Variants in CLNK observed in about 807,000 individuals in gnomAD.
CLNK encodes the protein cytokine-dependent hematopoietic cell linker.
A neutral mutation model predicts 68.6 loss-of-function variants in CLNK; 74 were observed. The observed-to-expected ratio is 1.08, with a 90% CI of 0.89 to 1.31. The LOEUF is 1.31. Among genes scored for constraint, CLNK ranks in the 50% most tolerant of loss-of-function variants. The pLI, the probability that CLNK is intolerant of heterozygous loss-of-function variation, is 0.00. For missense variants in CLNK, 553 were observed against 515.3 expected, an observed-to-expected ratio of 1.07 and a Z score of -0.71; for synonymous variants, 198 against 172.2, an observed-to-expected ratio of 1.15 and a Z score of -1.17.
At chr4:10,563,779 C>T (rs563793702) in intron 7 of CLNK, among the ~76,000 whole-genome samples, 2 of 152,188 alleles carry the variant, frequency 1.3e-5, no homozygotes, top group African/African-American at 4.8e-5. Flanking sequence ...TGGTGACGTG[C>T]ACCTGTAATC....
intron 1 of CLNK, among the ~76,000 whole-genome samples, chr4:10,684,061 C>T (rs1294770809): frequency 1.3e-5 from 2 of 152,024 alleles, no homozygotes; most frequent in African/African-American, 4.8e-5. Flanking sequence ...TTGCTTTATC[C>T]AATAAAAGCC....
At chr4:10,586,775 CTG>C (rs945408983) in intron 3 of CLNK, among the ~76,000 whole-genome samples, 12 of 152,310 alleles carry the variant, frequency 7.9e-5, no homozygotes, top group South Asian at 6.2e-4. Flanking sequence ...GCTCGTCTCA[CTG>C]TATCTCACCA....
At chr4:10,591,287 A>G (rs1388180597) in intron 3 of CLNK, among the ~76,000 whole-genome samples, 1 of 152,022 alleles carries the variant, frequency 6.6e-6, no homozygotes, top group Admixed American at 6.6e-5. Context: ...GCCTGGACAG[A>G]CCGTTTATCT....
upstream of CLNK, among the ~76,000 whole-genome samples, chr4:10,688,069 G>A (rs1011883947): frequency 2.0e-5 from 3 of 152,140 alleles, no homozygotes; most frequent in Non-Finnish European, 4.4e-5. Context: ...TCAGAGGAGT[G>A]GCTATTAGGA....
intron 8 of CLNK, among the ~76,000 whole-genome samples, chr4:10,550,559 T>C (rs1320309140): frequency 2.0e-5 from 3 of 152,102 alleles, no homozygotes; most frequent in Non-Finnish European, 2.9e-5. Flanking sequence ...CCTCCACTTA[T>C]CCTAAGGCAA....
intron 7 of CLNK, among the ~76,000 whole-genome samples, chr4:10,561,578 C>T (rs954261299): frequency 6.6e-6 from 1 of 152,138 alleles, no homozygotes; most frequent in East Asian, 1.9e-4. Flanking sequence ...TTTAGTTCAG[C>T]GTTCTCTACT....
the CLNK span, among the ~76,000 whole-genome samples, chr4:10,725,727 C>A: frequency 3.3e-5 from 5 of 151,766 alleles, no homozygotes; most frequent in East Asian, 1.9e-4. Flanking sequence ...TGTTGGCGGG[C>A]GCCTGTAGTC....
the CLNK span, among the ~76,000 whole-genome samples, chr4:10,712,710 G>T: frequency 2.0e-5 from 3 of 152,206 alleles, no homozygotes; most frequent in East Asian, 1.9e-4. Flanking sequence ...GAGTCATGTA[G>T]CCAGGGACAG....
intron 2 of CLNK, among the ~76,000 whole-genome samples, chr4:10,642,710 C>G (rs536257196): frequency 1.3e-5 from 2 of 152,326 alleles, no homozygotes; most frequent in South Asian, 2.1e-4. Context: ...CCCAACCTAA[C>G]TCACTGGGTG....
intron 2 of CLNK, among the ~76,000 whole-genome samples, chr4:10,650,519 T>C (rs773536257): frequency 2.0e-5 from 3 of 152,086 alleles, no homozygotes; most frequent in South Asian, 2.1e-4. Context: ...AAAATAAATA[T>C]TGCCTTCAAA....
chr4:10,523,871 A>G (rs1304797139), intron 14 of CLNK: 5 of 313,712 alleles, frequency 1.6e-5, no homozygotes, highest in Non-Finnish European at 3.2e-5. Flanking sequence ...CAAAGAGTAC[A>G]AAAATTAGCT....
At chr4:10,591,427 C>A (rs1482912267) in intron 3 of CLNK, among the ~76,000 whole-genome samples, 1 of 152,176 alleles carries the variant, frequency 6.6e-6, no homozygotes, top group African/African-American at 2.4e-5. Flanking sequence ...CTACCCTGAA[C>A]CTCTAGCTCC....
At chr4:10,525,322 C>A (rs1314227944) in intron 14 of CLNK, among the ~76,000 whole-genome samples, 1 of 152,184 alleles carries the variant, frequency 6.6e-6, no homozygotes, top group Non-Finnish European at 1.5e-5. Flanking sequence ...GCCTCGGCCT[C>A]CCAAAGTGCT....
Position 10,501,282 on chromosome 4 carries a change from G to T in CLNK, c.1114C>A (p.Leu372Met), listed in dbSNP as rs1424576791. 1.2e-6 allele frequency: 2 copies of T among 1,601,222 alleles called. No individual in the cohort carries two copies. Among genetic ancestry groups the T allele is most frequent in the South Asian group, 1.1e-5 (1 of 88,618 alleles). ...TCATCTCCTCTGAGTCCTGTCCCCA[G>T]GGCAAACTGCTGATTCCTCTCCAGG... ...RFLERNQQFA[L>M]GTGLRGDEKF... Residue 372 changes from leucine (L) to methionine (M), a missense_variant, in exon 18 of 19, where the codon CTG (leucine) becomes ATG (methionine). Transcript: ENST00000226951.
chr4:10,590,126 A>G (rs1424354820), intron 3 of CLNK, among the ~76,000 whole-genome samples: 1 of 152,236 alleles, frequency 6.6e-6, no homozygotes, highest in Non-Finnish European at 1.5e-5. Flanking sequence ...CAGGAAATGA[A>G]CAAGGCTGAC....
At chr4:10,535,207 A>AAGAGAG in intron 11 of CLNK, among the ~76,000 whole-genome samples, 1 of 132,674 alleles carries the variant, frequency 7.5e-6, no homozygotes, top group East Asian at 2.2e-4. Flanking sequence ...AAAAGAAAGA[A>AAGAGAG]AGAAAGAGAA....
intron 3 of CLNK, among the ~76,000 whole-genome samples, chr4:10,589,926 A>G (rs1174110552): frequency 6.6e-6 from 1 of 152,220 alleles, no homozygotes; most frequent in South Asian, 2.1e-4. Context: ...CCTTTTGTCA[A>G]CAGCATCCAT....
intron 18 of CLNK, among the ~76,000 whole-genome samples, chr4:10,492,068 G>C (rs1202428039): frequency 6.6e-6 from 1 of 152,106 alleles, no homozygotes; most frequent in East Asian, 1.9e-4. Context: ...CATGTTTCAA[G>C]ACAACTTAGA....
intron 1 of CLNK, among the ~76,000 whole-genome samples, chr4:10,678,142 C>A (rs1309946162): frequency 2.0e-5 from 3 of 152,174 alleles, no homozygotes; most frequent in Admixed American, 1.3e-4. Flanking sequence ...TTCTTTTATT[C>A]AGGATCACTT....
Sources: allele counts gnomAD v4.1 joint callset (sites outside exome capture counted in the v4.1 genomes callset), GRCh38; gene constraint gnomAD v4.1.1; transcripts MANE v1.5; gene names NCBI Gene and HGNC (gene_info 2026-07-23, HGNC 2026-07-21).